FAF1: variants seen among roughly 807,000 people sequenced by gnomAD.
FAF1 encodes the protein Fas associated factor 1, also known as FAS-associated factor 1.
Under a neutral mutation model 92.5 loss-of-function variants are expected in FAF1, and 25 were observed. The ratio of observed to expected loss-of-function variants is 0.27; its 90% CI spans 0.20 to 0.38. FAF1 has a LOEUF of 0.38. FAF1 is among the 10% of genes least tolerant of loss of function. FAF1 has a pLI of 1.00. For missense variants in FAF1, 636 were observed against 793.3 expected (o/e 0.80, Z 2.38); for synonymous variants, 234 against 273.2 (o/e 0.86, Z 1.42).
At chr1:50,778,838 GACACAC>G (rs139878228) in intron 4 of FAF1, among the ~76,000 whole-genome samples, 15 of 147,580 alleles carry the variant, frequency 1.0e-4, no homozygotes, top group African/African-American at 3.2e-4. Context: ...AAAACACACA[GACACAC>G]ACACACACAC....
intron 12 of FAF1, chr1:50,582,403 G>T: frequency 2.3e-6 from 1 of 443,562 alleles, no homozygotes. Flanking sequence ...AACAGAAAAC[G>T]GTGCTTGCTT....
At chr1:50,822,732 G>GT (rs896980944) in intron 2 of FAF1, among the ~76,000 whole-genome samples, 6 of 142,410 alleles carry the variant, frequency 4.2e-5, no homozygotes, top group African/African-American at 1.3e-4. Context: ...AAGGCTAGTA[G>GT]TTTTTTTGGT....
intron 15 of FAF1, among the ~76,000 whole-genome samples, chr1:50,519,407 GGAGGGAGA>G (rs1647384448): frequency 7.6e-6 from 1 of 132,196 alleles, no homozygotes; most frequent in Non-Finnish European, 1.6e-5. Flanking sequence ...AAGGAGGGAG[GGAGGGAGA>G]GAAGGAAGGA....
chr1:50,662,123 T>C (rs771831765), intron 7 of FAF1, among the ~76,000 whole-genome samples: 1 of 152,160 alleles, frequency 6.6e-6, no homozygotes. Context: ...TATTACTTCT[T>C]CTCATTAACC....
chr1:50,631,098 C>A (rs545103695), intron 8 of FAF1, among the ~76,000 whole-genome samples: 12 of 151,952 alleles, frequency 7.9e-5, no homozygotes, highest in Non-Finnish European at 1.5e-4. Flanking sequence ...CCTCTATTTT[C>A]ATTCTCCTAC....
At position 50,439,518 on chromosome 1, in the gene FAF1, G is replaced by A. The variant is rs995492891; in HGVS notation, c.*1922C>T. On this transcript the variant is annotated 3_prime_UTR_variant, in exon 19 of 19. Transcript: ENST00000396153. ...ATATTGTTGTAATACAGAAGTGAAG[G>A]TGAGTGGGAGGGAACAATATAATGA... 3 of 152,210 alleles carry A rather than the reference G, an allele frequency of 2.0e-5. No homozygotes were observed. The highest frequency in any genetic ancestry group is 7.2e-5 in the African/African-American group (3 of 41,446). 9.4% of individuals were successfully genotyped at this position (152,210 alleles called of 1,614,324 possible). A position where few individuals can be genotyped will look rare whatever the true frequency, so the allele number is the denominator to read the frequency against.
In FAF1 at chr1:50,959,918, A is replaced by AG; in HGVS notation, c.-108dup. 4 of 686,592 alleles carry AG rather than the reference A, an allele frequency of 5.8e-6. No individual in the cohort carries two copies. The highest frequency in any genetic ancestry group is 7.7e-6 in the Non-Finnish European group (4 of 519,412). The allele number at this position is 686,592 out of a possible 1,614,324, so 42.5% of individuals were successfully genotyped here. ...CCGCCGCCGCCGCCGCCGGGCGCCG[A>AG]GGGGCTGGCGGGCGAGCCGGCGGGC... On this transcript the variant is annotated 5_prime_UTR_variant, in exon 1 of 19. Coordinates refer to ENST00000396153, the MANE Select transcript of FAF1 (RefSeq NM_007051.3).
chr1:50,831,091 T>G (rs990842538), intron 2 of FAF1, among the ~76,000 whole-genome samples: 1 of 151,954 alleles, frequency 6.6e-6, no homozygotes, highest in Non-Finnish European at 1.5e-5. Flanking sequence ...ATAGAAAAAT[T>G]CAACATATGC....
intron 1 of FAF1, among the ~76,000 whole-genome samples, chr1:50,928,530 T>A (rs1645023299): frequency 6.6e-6 from 1 of 152,024 alleles, no homozygotes; most frequent in Non-Finnish European, 1.5e-5. Flanking sequence ...ATGCCTGTAA[T>A]CCCAGCACTT....
intron 1 of FAF1, among the ~76,000 whole-genome samples, chr1:50,903,756 G>A (rs1644814305): frequency 6.6e-6 from 1 of 152,136 alleles, no homozygotes; most frequent in South Asian, 2.1e-4. Context: ...AATTAGCAAA[G>A]AACTGAATTA....
chr1:50,786,907 G>C (rs1661385245), intron 4 of FAF1, among the ~76,000 whole-genome samples: 1 of 152,204 alleles, frequency 6.6e-6, no homozygotes, highest in Non-Finnish European at 1.5e-5. Context: ...AACATAATCT[G>C]AGTAGTGTTT....
intron 6 of FAF1, among the ~76,000 whole-genome samples, chr1:50,724,894 G>C (rs1569840548): frequency 2.0e-5 from 3 of 152,242 alleles, no homozygotes; most frequent in Non-Finnish European, 1.5e-5. Context: ...CTTTCCAAAT[G>C]TGACTAGGTT....
intron 1 of FAF1, among the ~76,000 whole-genome samples, chr1:50,875,280 C>A (rs539507170): frequency 6.6e-6 from 1 of 151,840 alleles, no homozygotes; most frequent in South Asian, 2.1e-4. Context: ...TTTTAATTAA[C>A]AAAAATTGAA....
rs758977659 is a variant in FAF1, at chr1:50,959,821, C to A, written c.-10G>T. On this transcript the variant is annotated 5_prime_UTR_variant, in exon 1 of 19. Coordinates refer to ENST00000396153, the MANE Select transcript of FAF1 (RefSeq NM_007051.3). ...CCATGTTGGACGCCATGGCGGCCGC[C>A]GAGTTCCGCGGCTCCGGGAGCGAAG... is the stretch of plus-strand genomic sequence containing the variant. 1.3e-6 allele frequency: 2 copies of A among 1,557,500 alleles called. No individual in the cohort carries two copies. Among genetic ancestry groups the A allele is most frequent in the Non-Finnish European group, 1.7e-6 (2 of 1,149,700 alleles).
At chr1:50,681,934 A>G (rs1430309117) in intron 7 of FAF1, among the ~76,000 whole-genome samples, 2 of 151,828 alleles carry the variant, frequency 1.3e-5, no homozygotes, top group African/African-American at 4.8e-5. Context: ...CCCAGGCCCA[A>G]GCGATCCTCC....
chr1:50,790,280 T>C (rs1661515156), intron 3 of FAF1, among the ~76,000 whole-genome samples: 1 of 152,140 alleles, frequency 6.6e-6, no homozygotes, highest in Non-Finnish European at 1.5e-5. Context: ...TAGCTGGGAC[T>C]ACAGGTGTGC....
chr1:50,589,823 G>A lies in FAF1; in HGVS notation c.841-5012C>T, dbSNP rs572652877. The stretch of plus-strand genomic sequence containing the variant: ...TGTATTGTTTTAGATCTTACAGTTA[G>A]GTCTTTCATATATTTTGAGTTTAGT... On this transcript the variant is annotated intron_variant, in intron 9 of 18. Transcript: ENST00000396153. Among the ~76,000 whole-genome samples, 3 of 152,206 alleles carry A rather than the reference G, an allele frequency of 2.0e-5. No individual in the cohort carries two copies. The East Asian group carries it at 5.8e-4, about 29-fold the overall frequency.
chr1:50,834,255 C>A (rs190947947), intron 2 of FAF1, among the ~76,000 whole-genome samples: 4 of 152,344 alleles, frequency 2.6e-5, no homozygotes, highest in Middle Eastern at 6.8e-3. Flanking sequence ...CCTGTACGGC[C>A]TGCAGAACTG....
intron 7 of FAF1, among the ~76,000 whole-genome samples, chr1:50,671,978 T>G (rs1655902032): frequency 6.6e-6 from 1 of 151,482 alleles, no homozygotes; most frequent in Non-Finnish European, 1.5e-5. Flanking sequence ...CATATTTTTT[T>G]GTAGAGAAAA....
Sources: allele counts gnomAD v4.1 joint callset (sites outside exome capture counted in the v4.1 genomes callset), GRCh38; gene constraint gnomAD v4.1.1; transcripts MANE v1.5; gene names NCBI Gene and HGNC (gene_info 2026-07-23, HGNC 2026-07-21).